Variants in PHACTR1 observed in about 807,000 individuals in gnomAD.
PHACTR1 encodes phosphatase and actin regulator 1, also known as RPEL repeat containing 1.
In PHACTR1, 16 loss-of-function variants were observed where a neutral mutation model predicts 69.2. The observed-to-expected ratio is 0.23, with a 90% CI of 0.16 to 0.35. PHACTR1 has a LOEUF of 0.35. PHACTR1 is among the 10% of genes least tolerant of loss of function. The pLI is 1.00. For missense variants in PHACTR1, 510 were observed against 734.7 expected (o/e 0.69, Z 3.54); for synonymous variants, 312 against 284.5 (o/e 1.10, Z -0.97).
chr6:13,126,200 A>T (rs1301705285), intron 5 of PHACTR1, among the ~76,000 whole-genome samples: 1 of 152,014 alleles, frequency 6.6e-6, no homozygotes, highest in Non-Finnish European at 1.5e-5. Context: ...AATTTATGTT[A>T]GTCAGTTCAC....
chr6:12,764,638 G>A lies in PHACTR1; in HGVS notation c.250+14848G>A, dbSNP rs138349184. Among the ~76,000 whole-genome samples the A allele has an allele frequency of 2.0e-4, 31 of 152,156 alleles. 1 individual carries two copies. In the East Asian group the frequency reaches 3.5e-3, roughly 17 times the overall value. On this transcript the variant is annotated intron_variant, in intron 4 of 14. Transcript: ENST00000332995. Reference sequence around the variant, plus strand: ...TCATAACTTCTTTCATTACTTTCCTGGCCCTGCCTAGGATATGGATAAAAT... The same window carrying A: ...TCATAACTTCTTTCATTACTTTCCTAGCCCTGCCTAGGATATGGATAAAAT...
At chr6:13,131,472 A>T (rs1461409127) in intron 5 of PHACTR1, among the ~76,000 whole-genome samples, 1 of 152,104 alleles carries the variant, frequency 6.6e-6, no homozygotes, top group Non-Finnish European at 1.5e-5. Context: ...GATGAGGGGT[A>T]AAAAACTACA....
At chr6:13,226,442 C>A (rs574920525) in intron 8 of PHACTR1, among the ~76,000 whole-genome samples, 1 of 152,268 alleles carries the variant, frequency 6.6e-6, no homozygotes, top group South Asian at 2.1e-4. Flanking sequence ...CCTCATGCTC[C>A]ATTTCCTTAG....
chr6:12,959,192 AAAAG>A (rs1792339412), intron 4 of PHACTR1, among the ~76,000 whole-genome samples: 2 of 106,628 alleles, frequency 1.9e-5, no homozygotes, highest in African/African-American at 1.2e-4. Context: ...AAAAAAAAAA[AAAAG>A]AAAAGAAAAA....
chr6:12,743,112 G>A (rs571016187), intron 3 of PHACTR1, among the ~76,000 whole-genome samples: 15 of 148,514 alleles, frequency 1.0e-4, no homozygotes, highest in Middle Eastern at 3.5e-3. Context: ...ATTCCCTTTC[G>A]TTTTTGTTTC....
chr6:13,082,708 G>A (rs1042791800), intron 5 of PHACTR1, among the ~76,000 whole-genome samples: 1 of 152,316 alleles, frequency 6.6e-6, no homozygotes, highest in East Asian at 1.9e-4. Context: ...GTGATGATGA[G>A]CATTTTTTCA....
At chr6:12,744,434 C>A (rs939295679) in intron 3 of PHACTR1, among the ~76,000 whole-genome samples, 3 of 152,200 alleles carry the variant, frequency 2.0e-5, no homozygotes, top group Non-Finnish European at 4.4e-5. Context: ...CAGGAGTACA[C>A]TTTACTCAAT....
chr6:13,061,164 T>G (rs1216483055), intron 5 of PHACTR1, among the ~76,000 whole-genome samples: 1 of 152,184 alleles, frequency 6.6e-6, no homozygotes, highest in East Asian at 1.9e-4. Flanking sequence ...CTCTTTCTCC[T>G]TTTCTCTTAT....
At chr6:12,924,776 GAAA>G (rs10533765) in intron 4 of PHACTR1, among the ~76,000 whole-genome samples, 1,895 of 134,292 alleles carry the variant, frequency 0.014, 43 homozygotes, top group African/African-American at 0.049. Flanking sequence ...CTCTGTCCCG[GAAA>G]AAAAAAAAAA....
chr6:12,913,454 A>G (rs1185620533), intron 4 of PHACTR1, among the ~76,000 whole-genome samples: 2 of 152,230 alleles, frequency 1.3e-5, no homozygotes, highest in Non-Finnish European at 2.9e-5. Flanking sequence ...ATCTGAGACC[A>G]TGTCTCCCCA....
chr6:12,784,928 C>T (rs537252199), intron 4 of PHACTR1, among the ~76,000 whole-genome samples: 16 of 151,826 alleles, frequency 1.1e-4, no homozygotes, highest in Admixed American at 7.9e-4. Context: ...AGGCTGGTCT[C>T]GAACTCCCAA....
chr6:13,183,256 C>T (rs576284334), intron 7 of PHACTR1, among the ~76,000 whole-genome samples: 3 of 152,278 alleles, frequency 2.0e-5, no homozygotes, highest in East Asian at 3.9e-4. Flanking sequence ...CAATACTCAT[C>T]CTCTCAGAAG....
intron 5 of PHACTR1, among the ~76,000 whole-genome samples, chr6:13,150,730 A>C (rs942558571): frequency 6.6e-6 from 1 of 152,166 alleles, no homozygotes; most frequent in African/African-American, 2.4e-5. Flanking sequence ...GGTCTTTTGA[A>C]ATGGAAGACC....
At chr6:13,285,776 T>A (rs1781549934) in intron 13 of PHACTR1, among the ~76,000 whole-genome samples, 1 of 152,188 alleles carries the variant, frequency 6.6e-6, no homozygotes, top group African/African-American at 2.4e-5. Flanking sequence ...GGCATCACTG[T>A]GCCTGTGCTG....
At chr6:12,894,181 A>G (rs189266059) in intron 4 of PHACTR1, among the ~76,000 whole-genome samples, 3 of 152,380 alleles carry the variant, frequency 2.0e-5, no homozygotes, top group Admixed American at 2.0e-4. Context: ...TAATATCTCA[A>G]GTACTTACAC....
chr6:13,212,241 T>TA (rs1457061555), intron 8 of PHACTR1, among the ~76,000 whole-genome samples: 1 of 152,194 alleles, frequency 6.6e-6, no homozygotes, highest in Non-Finnish European at 1.5e-5. Flanking sequence ...GACTTCAACA[T>TA]ATGAATTTAT....
intron 4 of PHACTR1, among the ~76,000 whole-genome samples, chr6:12,837,971 G>T (rs1025765572): frequency 3.3e-5 from 5 of 152,190 alleles, no homozygotes; most frequent in African/African-American, 1.2e-4. Flanking sequence ...GGCCCAACTG[G>T]GGAAGGAGCC....
intron 4 of PHACTR1, among the ~76,000 whole-genome samples, chr6:12,832,213 C>T (rs1777660118): frequency 6.6e-6 from 1 of 152,090 alleles, no homozygotes; most frequent in Non-Finnish European, 1.5e-5. Context: ...TTCTCTCCCA[C>T]ATTCTCAAGA....
intron 4 of PHACTR1, among the ~76,000 whole-genome samples, chr6:12,954,479 C>A (rs1791648024): frequency 6.6e-6 from 1 of 151,684 alleles, no homozygotes; most frequent in Non-Finnish European, 1.5e-5. Flanking sequence ...TGAGGCCCTG[C>A]CACTTGAGAA....
Sources: gnomAD v4.1 joint callset for allele counts (sites outside exome capture counted in the v4.1 genomes callset) on GRCh38, gnomAD v4.1.1 for gene constraint, MANE v1.5 for transcripts, NCBI Gene and HGNC (gene_info 2026-07-23, HGNC 2026-07-21) for gene names.